Variants in SLC44A3 observed in about 807,000 individuals in gnomAD.
SLC44A3 encodes choline transporter-like protein 3.
In SLC44A3, 74 loss-of-function variants were observed where a neutral mutation model predicts 75.4. That is an observed-to-expected ratio of 0.98 (90% CI 0.81 to 1.19). SLC44A3 has a LOEUF of 1.19. Among genes scored for constraint, SLC44A3 ranks in the 50% most tolerant of loss-of-function variants. SLC44A3 has a pLI of 0.00. For missense variants in SLC44A3, 700 were observed against 778.6 expected (o/e 0.90, Z 1.20); for synonymous variants, 310 against 296.9 (o/e 1.04, Z -0.45).
At chr1:94,859,193 G>A (rs922029974) in intron 10 of SLC44A3, among the ~76,000 whole-genome samples, 5 of 152,174 alleles carry the variant, frequency 3.3e-5, no homozygotes, top group Non-Finnish European at 5.9e-5. Context: ...TTGCCTGACA[G>A]TAATTTTGTG....
At chr1:94,840,462 G>A (rs1460346370) in intron 7 of SLC44A3, among the ~76,000 whole-genome samples, 1 of 151,484 alleles carries the variant, frequency 6.6e-6, no homozygotes, top group African/African-American at 2.4e-5. Context: ...GCTAATTTTT[G>A]TATTTTTTGT....
At chr1:94,871,128 A>G (rs752009382) in intron 12 of SLC44A3, among the ~76,000 whole-genome samples, 12 of 152,228 alleles carry the variant, frequency 7.9e-5, no homozygotes, top group Admixed American at 5.9e-4. Flanking sequence ...TTTTTAAAAT[A>G]GCCAGAGGAG....
chr1:94,833,790 C>T (rs1662440614), intron 5 of SLC44A3, among the ~76,000 whole-genome samples: 1 of 152,106 alleles, frequency 6.6e-6, no homozygotes, highest in Non-Finnish European at 1.5e-5. Context: ...TCAAAAATTA[C>T]TCTTCTAATG....
At chr1:94,847,812 C>T (rs1664612914) in intron 9 of SLC44A3, among the ~76,000 whole-genome samples, 1 of 152,078 alleles carries the variant, frequency 6.6e-6, no homozygotes, top group African/African-American at 2.4e-5. Context: ...AAGTCATGTG[C>T]CGGAGGTCAT....
At chr1:94,831,895 C>G (rs779820983) in intron 5 of SLC44A3, among the ~76,000 whole-genome samples, 6 of 152,118 alleles carry the variant, frequency 3.9e-5, no homozygotes, top group Admixed American at 2.0e-4. Flanking sequence ...CCCTGTGAGC[C>G]GGGCATAGTG....
At chr1:94,823,178 G>C (rs1021609826) in intron 2 of SLC44A3, among the ~76,000 whole-genome samples, 1 of 152,040 alleles carries the variant, frequency 6.6e-6, no homozygotes, top group Non-Finnish European at 1.5e-5. Context: ...TGGTGAGCTG[G>C]GCAGAAGCAC....
intron 9 of SLC44A3, 101 bp from the exon 10 acceptor site, chr1:94,857,234 T>C: frequency 6.5e-6 from 8 of 1,236,254 alleles, no homozygotes; most frequent in Non-Finnish European, 8.8e-6. Context: ...ATTTGTTTTA[T>C]GTAATGCCAA....
chr1:94,882,630 C>T (rs1004717552), intron 12 of SLC44A3, among the ~76,000 whole-genome samples: 1 of 152,114 alleles, frequency 6.6e-6, no homozygotes, highest in African/African-American at 2.4e-5. Context: ...CTTGGACCTG[C>T]CTCTTCGTTA....
At chr1:94,824,720 T>C in intron 3 of SLC44A3, 85 bp downstream of exon 3, 5 of 1,457,946 alleles carry the variant, frequency 3.4e-6, no homozygotes, top group Non-Finnish European at 3.6e-6. Flanking sequence ...CTGGAAACTT[T>C]TCCCATTCAA....
rs1224562690 is a variant in SLC44A3, at chr1:94,895,219, TAATA to T, written c.*304_*307del. The stretch of plus-strand genomic sequence containing the variant: ...TGAGGTAAGTTTGTAAGTGCACAAC[TAATA>T]AATAAACCTTTTTAAGATAAGGATT... On this transcript the variant is annotated 3_prime_UTR_variant, in exon 15 of 15. Transcript: ENST00000271227. 4.2e-5 allele frequency: 10 copies of T among 236,716 alleles called. No homozygotes were observed. Among genetic ancestry groups the T allele is most frequent in the African/African-American group, 6.7e-5 (3 of 44,676 alleles). 14.7% of individuals were successfully genotyped at this position (236,716 alleles called of 1,614,324 possible). A position where few individuals can be genotyped will look rare whatever the true frequency, so the allele number is the denominator to read the frequency against.
rs147558158 is a variant in SLC44A3 at position 94,865,389 on chromosome 1, C to T, written c.1395+490C>T. Among the ~76,000 whole-genome samples, 991 of 151,984 alleles carry T rather than the reference C, an allele frequency of 6.5e-3. 15 individuals are homozygous for T. The highest frequency in any genetic ancestry group is 0.023 in the African/African-American group (950 of 41,430). On this transcript the variant is annotated intron_variant, in intron 11 of 14. Coordinates refer to ENST00000271227, the MANE Select transcript of SLC44A3 (RefSeq NM_001114106.3). The stretch of plus-strand genomic sequence containing the variant: ...AATTCCTGGTGTGTGTGAGGAAGAA[C>T]GAGGGAGAAAAGGAGAGGGTTTGAA...
intron 12 of SLC44A3, among the ~76,000 whole-genome samples, chr1:94,877,270 T>A (rs1231512386): frequency 6.6e-6 from 1 of 151,956 alleles, no homozygotes; most frequent in Non-Finnish European, 1.5e-5. Flanking sequence ...TCCAAGGTGT[T>A]TGGTCTATAT....
At chr1:94,885,252 A>G (rs1248717719) in intron 12 of SLC44A3, among the ~76,000 whole-genome samples, 4 of 137,020 alleles carry the variant, frequency 2.9e-5, no homozygotes, top group Admixed American at 7.4e-5. Flanking sequence ...AAGAGGCAGC[A>G]GGGAATAATA....
chr1:94,864,313 G>C (rs1386599998), intron 10 of SLC44A3, among the ~76,000 whole-genome samples: 1 of 152,160 alleles, frequency 6.6e-6, no homozygotes, highest in East Asian at 1.9e-4. Flanking sequence ...TCTGGCCACT[G>C]ATCCTGGTCA....
chr1:94,894,824 G>T lies in SLC44A3; in HGVS notation c.1864G>T (p.Val622Leu). 1 of 1,609,354 alleles carries T rather than the reference G, an allele frequency of 6.2e-7. No individual in the cohort carries two copies. ...YFMDQEFLSF[V>L]KRSNKLNNAR... is the part of the protein sequence containing the mutation. ...TTGTTCTTTTGTTTTTCAGAGTTTC[G>T]TAAAAAGGAGCAACAAATTAAACAA... Residue 622 changes from valine (V) to leucine (L), a missense_variant, in exon 15 of 15, where the codon GTA becomes TTA. Transcript: ENST00000271227.
chr1:94,894,218 T>C (rs1186905738), intron 14 of SLC44A3, among the ~76,000 whole-genome samples: 1 of 152,214 alleles, frequency 6.6e-6, no homozygotes, highest in Non-Finnish European at 1.5e-5. Context: ...TGTAAATGGC[T>C]ATCATTGGGA....
intron 1 of SLC44A3, 134 bp downstream of exon 1, chr1:94,820,612 T>A (rs1660420656): frequency 7.3e-7 from 1 of 1,366,600 alleles, no homozygotes; most frequent in East Asian, 2.9e-5. Flanking sequence ...CTTAGTACCT[T>A]GGGGCCACCT....
At chr1:94,855,227 C>G (rs1367836231) in intron 9 of SLC44A3, 2 of 152,226 alleles carry the variant, frequency 1.3e-5, no homozygotes, top group Admixed American at 1.3e-4. Context: ...CGTCCAGGTC[C>G]TGTAGGACAT....
intron 12 of SLC44A3, among the ~76,000 whole-genome samples, chr1:94,871,240 C>G (rs1426417904): frequency 2.0e-5 from 3 of 152,064 alleles, no homozygotes; most frequent in Non-Finnish European, 4.4e-5. Flanking sequence ...TGGAGGAAGA[C>G]GGGAAAGGTG....
Sources: gnomAD v4.1 joint callset for allele counts (sites outside exome capture counted in the v4.1 genomes callset) on GRCh38, gnomAD v4.1.1 for gene constraint, MANE v1.5 for transcripts, NCBI Gene and HGNC (gene_info 2026-07-23, HGNC 2026-07-21) for gene names.